The following MAP3K13 variants were observed in gnomAD, a reference collection of about 807,000 sequenced individuals.
The protein encoded by MAP3K13 is leucine zipper-bearing kinase.
MAP3K13 carries 52 observed loss-of-function variants against 104.0 expected under a neutral mutation model. The observed-to-expected ratio is 0.50, with a 90% confidence interval of 0.40 to 0.63. The LOEUF (loss-of-function observed/expected upper bound fraction) is 0.63. Among genes scored for constraint, MAP3K13 ranks in the 20% least tolerant of loss-of-function variants. MAP3K13 has a pLI of 0.00. For missense variants in MAP3K13, 914 were observed against 1,218.5 expected (o/e 0.75, Z 3.72); for synonymous variants, 394 against 442.2 (o/e 0.89, Z 1.37).
intron 2 of MAP3K13, among the ~76,000 whole-genome samples, chr3:185,310,629 A>G (rs1039218998): frequency 2.0e-5 from 3 of 152,222 alleles, no homozygotes; most frequent in Admixed American, 6.5e-5. Context: ...AGGCATTTCA[A>G]CAGACTGGAA....
chr3:185,356,649 G>A (rs1180833985), intron 2 of MAP3K13, among the ~76,000 whole-genome samples: 1 of 152,162 alleles, frequency 6.6e-6, no homozygotes, highest in African/African-American at 2.4e-5. Flanking sequence ...CAAACATCCT[G>A]GGGATGACTC....
rs1339340194 is a variant in MAP3K13 at position 185,454,285 on chromosome 3, A to AC, written c.1278+2890_1278+2891insC. Among the ~76,000 whole-genome samples the AC allele has an allele frequency of 1.1e-4, 12 of 109,264 alleles. 2 individuals carry two copies. The highest frequency in any genetic ancestry group is 3.8e-4 in the African/African-American group (10 of 26,166). 71.7% of individuals were successfully genotyped at this position (109,264 alleles called of 152,430 possible). On this transcript the variant is annotated intron_variant, in intron 7 of 13. Transcript: ENST00000265026. The stretch of plus-strand genomic sequence containing the variant: ...ATGAGATATATATCATATATATGAT[A>AC]TATATGAGATATATATCATATATAT...
At chr3:185,316,619 TGACA>T (rs1316934540) in intron 2 of MAP3K13, among the ~76,000 whole-genome samples, 1 of 152,182 alleles carries the variant, frequency 6.6e-6, no homozygotes, top group East Asian at 1.9e-4. Context: ...CCAGCCTGGG[TGACA>T]GACCTGTCTC....
chr3:185,444,831 A>G (rs1715510265), intron 4 of MAP3K13, among the ~76,000 whole-genome samples: 1 of 152,106 alleles, frequency 6.6e-6, no homozygotes, highest in African/African-American at 2.4e-5. Flanking sequence ...AAAAATTTAA[A>G]AATTAGCCAG....
rs1718729749 is a variant in MAP3K13, at chr3:185,486,635, A to G, written c.*4179A>G. 1 of 152,244 alleles carries G rather than the reference A, an allele frequency of 6.6e-6. No homozygotes were observed. Among genetic ancestry groups the G allele is most frequent in the South Asian group, 2.1e-4 (1 of 4,834 alleles). The allele number at this position is 152,244 out of a possible 1,614,324, so 9.4% of individuals were successfully genotyped here. A position where few individuals can be genotyped will look rare whatever the true frequency, so the allele number is the denominator to read the frequency against. ...GGAACCTCACAAGACTGTGATTTCA[A>G]GCTGCTTCATTGATGGAAAGTTTCA... On this transcript the variant is annotated 3_prime_UTR_variant, in exon 14 of 14. Coordinates refer to ENST00000265026, the MANE Select transcript of MAP3K13 (RefSeq NM_004721.5).
At chr3:185,436,201 G>T (rs1229194113) in intron 2 of MAP3K13, among the ~76,000 whole-genome samples, 2 of 152,064 alleles carry the variant, frequency 1.3e-5, no homozygotes, top group Non-Finnish European at 2.9e-5. Flanking sequence ...AGTGATATAG[G>T]CTTATGGTAA....
chr3:185,299,584 G>C (rs1721032106), intron 2 of MAP3K13, among the ~76,000 whole-genome samples: 1 of 6,886 alleles, frequency 1.5e-4, no homozygotes, highest in Non-Finnish European at 6.0e-4. Flanking sequence ...TTTTGAGACG[G>C]AGTCTCGCTC....
chr3:185,371,981 G>A (rs568092074), intron 1 of MAP3K13, among the ~76,000 whole-genome samples: 1 of 152,316 alleles, frequency 6.6e-6, no homozygotes, highest in East Asian at 1.9e-4. Context: ...ATTGAGACTA[G>A]TGAGATAAAG....
chr3:185,433,497 GC>G (rs1395794374), intron 2 of MAP3K13, among the ~76,000 whole-genome samples: 1 of 151,938 alleles, frequency 6.6e-6, no homozygotes, highest in Non-Finnish European at 1.5e-5. Context: ...CCTTTTTTCT[GC>G]CATTTTCCCA....
rs544139523 is a variant in MAP3K13, at chr3:185,324,111, C to T, written c.-86+38468C>T. 6.6e-5 allele frequency among the ~76,000 whole-genome samples: 10 copies of T among 152,186 alleles called. No individual in the cohort carries two copies. The South Asian group carries it at 1.5e-3, about 22-fold the overall frequency. On this transcript the variant is annotated intron_variant, in intron 2 of 14. Coordinates refer to the MAP3K13 transcript ENST00000424227. ...CTGCCAGCTCTGCCTCCTGGGTTCA[C>T]GCCATTCTCCTGCCTCAGCTTCCAG...
chr3:185,371,375 C>A (rs1437334143), intron 1 of MAP3K13, among the ~76,000 whole-genome samples: 1 of 152,182 alleles, frequency 6.6e-6, no homozygotes, highest in Non-Finnish European at 1.5e-5. Flanking sequence ...AAACATCTTA[C>A]AAAATGCAAT....
chr3:185,338,690 T>G (rs1485542188), intron 2 of MAP3K13, among the ~76,000 whole-genome samples: 1 of 152,188 alleles, frequency 6.6e-6, no homozygotes, highest in Non-Finnish European at 1.5e-5. Context: ...TCTTGATTCT[T>G]TTTTATACTT....
At chr3:185,318,293 T>C (rs1175025160) in intron 2 of MAP3K13, among the ~76,000 whole-genome samples, 1 of 152,234 alleles carries the variant, frequency 6.6e-6, no homozygotes, top group African/African-American at 2.4e-5. Context: ...TTGGTAGTTA[T>C]ATCAGTTGAA....
At chr3:185,391,286 A>G (rs1423656236) in intron 1 of MAP3K13, among the ~76,000 whole-genome samples, 1 of 152,198 alleles carries the variant, frequency 6.6e-6, no homozygotes, top group East Asian at 1.9e-4. Flanking sequence ...TATGAATTTG[A>G]GTACTGTAAG....
chr3:185,292,810 G>A, intron 2 of MAP3K13: 14 of 985,136 alleles, frequency 1.4e-5, no homozygotes, highest in East Asian at 1.1e-4. Flanking sequence ...GAAGGAGCAC[G>A]AATATATATT....
chr3:185,332,816 C>G (rs1049025509), intron 2 of MAP3K13, among the ~76,000 whole-genome samples: 15 of 152,164 alleles, frequency 9.9e-5, no homozygotes, highest in African/African-American at 3.6e-4. Flanking sequence ...GTTGCTTCTA[C>G]CTCTTGGCTA....
chr3:185,465,625 T>G, intron 8 of MAP3K13, 122 bp from the exon 9 acceptor site: 1 of 708,940 alleles, frequency 1.4e-6, no homozygotes, highest in Non-Finnish European at 2.5e-6. Context: ...CAAGGGAGGC[T>G]TAAAGTAAGA....
chr3:185,478,816 G>A (rs1258431862), intron 12 of MAP3K13, among the ~76,000 whole-genome samples: 1 of 151,262 alleles, frequency 6.6e-6, no homozygotes, highest in African/African-American at 2.4e-5. Flanking sequence ...AGGTTGCAAT[G>A]AGGCGAGATG....
chr3:185,349,643 G>A (rs937445344), intron 2 of MAP3K13, among the ~76,000 whole-genome samples: 19 of 152,180 alleles, frequency 1.2e-4, no homozygotes, highest in African/African-American at 3.6e-4. Context: ...TATGTGAGAC[G>A]TATTAAGAAA....
Sources: allele counts gnomAD v4.1 joint callset (sites outside exome capture counted in the v4.1 genomes callset), GRCh38; gene constraint gnomAD v4.1.1; transcripts MANE v1.5; gene names NCBI Gene and HGNC (gene_info 2026-07-23, HGNC 2026-07-21).